Variants in ITGB5 observed in about 807,000 individuals in gnomAD.
The protein encoded by ITGB5 is integrin beta-5.
In ITGB5, 38 loss-of-function variants were observed where a neutral mutation model predicts 84.8. The observed-to-expected ratio is 0.45, with a 90% CI of 0.35 to 0.59. The LOEUF is 0.59. Ranked by LOEUF, ITGB5 falls within the 20% of genes least tolerant of loss-of-function variation. ITGB5 has a pLI of 0.01. For missense variants in ITGB5, 905 were observed against 1,034.5 expected, an observed-to-expected ratio of 0.87 and a Z score of 1.72; for synonymous variants, 393 against 414.4, an observed-to-expected ratio of 0.95 and a Z score of 0.63.
chr3:124,900,119 T>C (rs1268881550), intron 1 of ITGB5, among the ~76,000 whole-genome samples: 4 of 152,190 alleles, frequency 2.6e-5, no homozygotes, highest in African/African-American at 2.4e-5. Context: ...TTCAAATATA[T>C]GTCACATTGT....
At chr3:124,835,538 G>A (rs538104940) in intron 5 of ITGB5, among the ~76,000 whole-genome samples, 1 of 152,202 alleles carries the variant, frequency 6.6e-6, no homozygotes, top group Non-Finnish European at 1.5e-5. Context: ...GCCTGGCGCT[G>A]GATCAAGCCC....
At chr3:124,851,608 A>AACAC (rs3836319) in intron 3 of ITGB5, among the ~76,000 whole-genome samples, 42,176 of 145,788 alleles carry the variant, frequency 0.29, 6,121 homozygotes, top group East Asian at 0.35. Context: ...TCAGTAAGAA[A>AACAC]ACACACACAC....
chr3:124,887,021 G>C lies in ITGB5; in HGVS notation c.-21C>G. Reference sequence around the variant, plus strand: ...GGCATGGTGGGGCGCCTCCCTCAGCGGCGGCGCGGTCGCTGCACTCCGCGG... The same window carrying C: ...GGCATGGTGGGGCGCCTCCCTCAGCCGCGGCGCGGTCGCTGCACTCCGCGG... On this transcript the variant is annotated 5_prime_UTR_variant, in exon 1 of 15. Transcript: ENST00000296181. 25 of 1,138,726 alleles carry C rather than the reference G, an allele frequency of 2.2e-5. 1 individual carries two copies. The highest frequency in any genetic ancestry group is 2.7e-5 in the Non-Finnish European group (25 of 927,436). The allele number at this position is 1,138,726 out of a possible 1,614,324, so 70.5% of individuals were successfully genotyped here. A position where few individuals can be genotyped will look rare whatever the true frequency, so the allele number is the denominator to read the frequency against.
At chr3:124,868,191 C>T (rs903741997) in intron 2 of ITGB5, among the ~76,000 whole-genome samples, 1 of 152,160 alleles carries the variant, frequency 6.6e-6, no homozygotes, top group Non-Finnish European at 1.5e-5. Flanking sequence ...AATTCAACCC[C>T]TTTCCTTTAT....
chr3:124,898,064 A>G (rs1347414548), intron 1 of ITGB5, among the ~76,000 whole-genome samples: 1 of 152,164 alleles, frequency 6.6e-6, no homozygotes, highest in Admixed American at 6.5e-5. Flanking sequence ...AATGACCTTG[A>G]AAACAAAACA....
At chr3:124,898,469 C>T (rs1935150866) in intron 1 of ITGB5, among the ~76,000 whole-genome samples, 1 of 149,920 alleles carries the variant, frequency 6.7e-6, no homozygotes, top group African/African-American at 2.5e-5. Flanking sequence ...CAGTGAAACC[C>T]CATCTCTACC....
chr3:124,783,290 C>CAA (rs758967509), intron 10 of ITGB5, among the ~76,000 whole-genome samples: 698 of 52,294 alleles, frequency 0.013, 4 homozygotes, highest in East Asian at 0.022. Flanking sequence ...GACTCCGTCT[C>CAA]AAAAAAAAAA....
chr3:124,840,762 C>A (rs1050680709), intron 5 of ITGB5, among the ~76,000 whole-genome samples: 1 of 151,970 alleles, frequency 6.6e-6, no homozygotes, highest in Non-Finnish European at 1.5e-5. Flanking sequence ...CCTCCTGGTT[C>A]AAGCGATTCT....
intron 9 of ITGB5, among the ~76,000 whole-genome samples, chr3:124,797,887 C>G (rs564337754): frequency 6.6e-6 from 1 of 152,040 alleles, no homozygotes; most frequent in East Asian, 1.9e-4. Context: ...TCCCTTACTC[C>G]CTGAACAGAC....
At chr3:124,836,906 C>T (rs1245748377) in intron 5 of ITGB5, among the ~76,000 whole-genome samples, 1 of 152,158 alleles carries the variant, frequency 6.6e-6, no homozygotes, top group East Asian at 1.9e-4. Context: ...AAATTGAACA[C>T]AGGCAAAATT....
At chr3:124,851,883 T>C (rs2065161522) in intron 3 of ITGB5, among the ~76,000 whole-genome samples, 1 of 152,152 alleles carries the variant, frequency 6.6e-6, no homozygotes, top group African/African-American at 2.4e-5. Flanking sequence ...ATCCATGGTG[T>C]GGGCATTAAG....
intron 5 of ITGB5, among the ~76,000 whole-genome samples, chr3:124,840,581 C>A (rs1226147205): frequency 1.3e-5 from 2 of 152,102 alleles, no homozygotes; most frequent in African/African-American, 4.8e-5. Flanking sequence ...TAGGCCCTCC[C>A]TCTGGATTCA....
At chr3:124,806,559 G>T (rs1383974605) in intron 9 of ITGB5, among the ~76,000 whole-genome samples, 2 of 148,248 alleles carry the variant, frequency 1.3e-5, no homozygotes, top group African/African-American at 2.5e-5. Context: ...TCAGCCTCCC[G>T]AGTAGCTGGG....
In ITGB5 at chr3:124,817,707, A is replaced by G; in HGVS notation, c.1042T>C (p.Phe348Leu). 6.4e-7 allele frequency: 1 copy of G among 1,570,484 alleles called. No homozygotes were observed. The highest frequency in any genetic ancestry group is 8.7e-7 in the Non-Finnish European group (1 of 1,153,644). ...GTTGTTCCAGGTATCAGGGCTGTAA[A>G]ATTCTTGGGAAAAAAAGTAAAGAAA... Reference protein sequence around the residue: ...TKNHYMLYKNFTALIPGTTVE... With the variant: ...TKNHYMLYKNLTALIPGTTVE... Residue 348 changes from phenylalanine (F) to leucine (L), a missense_variant, in exon 8 of 15, where the codon TTT (phenylalanine) becomes CTT (leucine). This residue lies in a region of ITGB5 where 656 missense variants were observed against 734.7 expected (regional missense o/e 0.89). Transcript: ENST00000296181.
In ITGB5 at chr3:124,764,429, T is replaced by G. The variant is rs762811107; in HGVS notation, c.2266A>C (p.Lys756Gln). 6.2e-7 allele frequency: 1 copy of G among 1,613,688 alleles called. No homozygotes were observed. Among genetic ancestry groups the G allele is most frequent in the East Asian group, 2.2e-5 (1 of 44,876 alleles). Residue 756 changes from lysine to glutamine, a missense_variant, in exon 14 of 15, where the codon AAG becomes CAG. Physicochemically the swap from Lys to Gln is moderately conservative, Grantham distance 53. Around this residue, in one of 3 missense-constraint regions of ITGB5, gnomAD observed 133 missense variants for 122.8 expected, o/e 1.08. Transcript: ENST00000296181. ...GCCCTGGATCGCTCGCTCTGAAACT[T>G]TGCAAACTCCCTCCGGTCGTGGATG... ...VTIHDRREFA[K>Q]FQSERSRARY...
intron 2 of ITGB5, among the ~76,000 whole-genome samples, chr3:124,863,505 G>A (rs1452956041): frequency 6.6e-6 from 1 of 152,156 alleles, no homozygotes; most frequent in Non-Finnish European, 1.5e-5. Flanking sequence ...TATTCCATGT[G>A]TTCCTTTCTA....
At chr3:124,883,836 G>A (rs1290232570) in intron 1 of ITGB5, among the ~76,000 whole-genome samples, 2 of 152,262 alleles carry the variant, frequency 1.3e-5, no homozygotes, top group Middle Eastern at 6.8e-3. Context: ...GGTTTTGTGG[G>A]AAGACCACAT....
At chr3:124,840,662 CT>C (rs533782703) in intron 5 of ITGB5, among the ~76,000 whole-genome samples, 1,776 of 145,366 alleles carry the variant, frequency 0.012, 38 homozygotes, top group African/African-American at 0.037. Context: ...CTTTTTCTTT[CT>C]TTTTTTTTTT....
At chr3:124,862,196 T>C (rs1420037966) in intron 2 of ITGB5, 2 of 152,252 alleles carry the variant, frequency 1.3e-5, no homozygotes, top group African/African-American at 4.8e-5. Flanking sequence ...CAGTTCTGTT[T>C]GTCAAGGTGC....
Sources: gnomAD v4.1 joint callset for allele counts (sites outside exome capture counted in the v4.1 genomes callset) on GRCh38, gnomAD v4.1.1 for gene constraint, gnomAD v4.1.1 regional missense constraint, MANE v1.5 for transcripts, NCBI Gene and HGNC (gene_info 2026-07-23, HGNC 2026-07-21) for gene names.